SLC7A13: variants seen among roughly 807,000 people sequenced by gnomAD.
The protein encoded by SLC7A13 is X-amino acid transporter 2.
Under a neutral mutation model 32.0 loss-of-function variants are expected in SLC7A13, and 31 were observed. The observed-to-expected ratio is 0.97, with a 90% CI of 0.73 to 1.31. The LOEUF (loss-of-function observed/expected upper bound fraction) is 1.31. Ranked by LOEUF, SLC7A13 falls within the 50% of genes most tolerant of loss-of-function variation. The pLI is 0.00. For synonymous variants in SLC7A13, 232 were observed against 206.9 expected (o/e 1.12, Z -1.04); for missense variants, 633 against 546.9 (o/e 1.16, Z -1.57).
rs1459459337 is a variant in SLC7A13, at chr8:86,229,931, G to A, written c.347C>T (p.Ala116Val). The A allele has an allele frequency of 6.2e-7, 1 of 1,614,082 alleles. No individual in the cohort carries two copies. The highest frequency in any genetic ancestry group is 1.3e-5 in the African/African-American group (1 of 74,938). ...GVVAGQALLL[A>V]EYSIQPFFPS... ...AAAAAAAGGCTGGATGCTGTACTCA[G>A]CAAGGAGCAGAGCTTGGCCAGCAAC... The change falls in exon 1 of 4, where the codon GCT becomes GTT. Residue 116 changes from alanine to valine, a missense_variant. Transcript: ENST00000297524.
At chr8:86,224,100 T>C (rs897739887) in intron 1 of SLC7A13, among the ~76,000 whole-genome samples, 6 of 152,128 alleles carry the variant, frequency 3.9e-5, no homozygotes, top group Non-Finnish European at 5.9e-5. Flanking sequence ...AGTTAAATAA[T>C]TGCATAAATA....
intron 2 of SLC7A13, 146 bp downstream of exon 2, chr8:86,222,826 C>T (rs1464437040): frequency 1.4e-6 from 1 of 720,156 alleles, no homozygotes; most frequent in Non-Finnish European, 2.0e-6. Context: ...AAATCATTCC[C>T]TTTGGCCCTC....
At chr8:86,222,569 C>A (rs931895682) in intron 2 of SLC7A13, among the ~76,000 whole-genome samples, 1 of 152,022 alleles carries the variant, frequency 6.6e-6, no homozygotes, top group Admixed American at 6.6e-5. Flanking sequence ...CTTTTAACTG[C>A]CAATATTCTA....
At chr8:86,226,141 T>C (rs536998715) in intron 1 of SLC7A13, among the ~76,000 whole-genome samples, 2 of 152,328 alleles carry the variant, frequency 1.3e-5, no homozygotes, top group African/African-American at 4.8e-5. Context: ...GAATAAATTC[T>C]GTAAGTATAT....
In SLC7A13 at chr8:86,229,618, G is replaced by C. The variant is rs7814198; in HGVS notation, c.660C>G (p.Gly220=). ...CTGCTATAAGTGTAAAGCATGCCCC[G>C]CCTGAATATGCAAAATATCCTTGGA... ...AIFQGYFAYS[G]GACFTLIAGE... Residue 220 remains glycine, a synonymous_variant, in exon 1 of 4, where the codon GGC becomes GGG. Transcript: ENST00000297524. 1.9e-6 allele frequency: 3 copies of C among 1,613,476 alleles called. No homozygotes were observed. The highest frequency in any genetic ancestry group is 1.7e-6 in the Non-Finnish European group (2 of 1,179,870).
chr8:86,220,482 A>G (rs1466572780), intron 2 of SLC7A13, among the ~76,000 whole-genome samples: 1 of 152,144 alleles, frequency 6.6e-6, no homozygotes, highest in African/African-American at 2.4e-5. Context: ...AGACAAAAAC[A>G]TTACATGATT....
At chr8:86,219,618 A>G (rs1053788501) in intron 2 of SLC7A13, among the ~76,000 whole-genome samples, 1 of 152,142 alleles carries the variant, frequency 6.6e-6, no homozygotes, top group African/African-American at 2.4e-5. Context: ...ATAAACATCT[A>G]TTAGGGTTGT....
Position 86,214,574 on chromosome 8 carries a change from G to A in SLC7A13, c.1252C>T (p.Pro418Ser), listed in dbSNP as rs1820146204. 1.2e-6 allele frequency: 2 copies of A among 1,613,748 alleles called. No individual in the cohort carries two copies. Among genetic ancestry groups the A allele is most frequent in the East Asian group, 2.2e-5 (1 of 44,798 alleles). Residue 418 changes from proline (P) to serine (S), a missense_variant, in exon 4 of 4, where the codon CCA becomes TCA. Transcript: ENST00000297524. ...GLVVIPLVKSPNVHYVYVLLL... is the reference protein window; with the variant it reads ...GLVVIPLVKSSNVHYVYVLLL... ...AGCACGTAGACATAATGCACATTTG[G>A]AGACTTTACCAATGGTATCACAACC...
At chr8:86,228,323 C>T (rs1297500155) in intron 1 of SLC7A13, among the ~76,000 whole-genome samples, 1 of 151,962 alleles carries the variant, frequency 6.6e-6, no homozygotes, top group Non-Finnish European at 1.5e-5. Context: ...CTCTTTCGGG[C>T]TCCTATAATC....
chr8:86,224,145 T>C (rs888919344), intron 1 of SLC7A13, among the ~76,000 whole-genome samples: 3 of 152,322 alleles, frequency 2.0e-5, no homozygotes, highest in Admixed American at 2.0e-4. Context: ...GGTAAGTGTC[T>C]ATATGAAAAG....
At chr8:86,226,482 C>A (rs529643804) in intron 1 of SLC7A13, among the ~76,000 whole-genome samples, 36 of 152,296 alleles carry the variant, frequency 2.4e-4, no homozygotes, top group African/African-American at 8.7e-4. Context: ...AAGCATTTAA[C>A]CAGATAGATT....
rs753105776 is a variant in SLC7A13 at position 86,229,615 on chromosome 8, C to T, written c.663G>A (p.Gly221=). Residue 221 remains glycine, a synonymous_variant, in exon 1 of 4, where the codon GGG becomes GGA. Transcript: ENST00000297524. ...IFQGYFAYSG[G]ACFTLIAGEL... is the part of the protein sequence containing the mutation. ...TACCTGCTATAAGTGTAAAGCATGC[C>T]CCGCCTGAATATGCAAAATATCCTT... 29 of 1,613,608 alleles carry T rather than the reference C, an allele frequency of 1.8e-5. No individual in the cohort carries two copies. In the East Asian group the frequency reaches 6.2e-4, roughly 35 times the overall value.
chr8:86,228,747 G>A (rs1341187511), intron 1 of SLC7A13, among the ~76,000 whole-genome samples: 4 of 152,028 alleles, frequency 2.6e-5, no homozygotes, highest in Non-Finnish European at 5.9e-5. Context: ...TCTGGAGGCT[G>A]AGGCAGGAGA....
chr8:86,214,565 G>T lies in SLC7A13; in HGVS notation c.1261C>A (p.His421Asn). Residue 421 changes from histidine to asparagine, a missense_variant, in exon 4 of 4, where the codon CAT becomes AAT. Coordinates refer to ENST00000297524, the MANE Select transcript of SLC7A13 (RefSeq NM_138817.3). ...VIPLVKSPNV[H>N]YVYVLLLVLS... ...ACTAACAGAAGCACGTAGACATAAT[G>T]CACATTTGGAGACTTTACCAATGGT... is the stretch of plus-strand genomic sequence containing the variant. 6.2e-7 allele frequency: 1 copy of T among 1,613,716 alleles called. No individual in the cohort carries two copies. The highest frequency in any genetic ancestry group is 8.5e-7 in the Non-Finnish European group (1 of 1,179,800).
intron 1 of SLC7A13, among the ~76,000 whole-genome samples, chr8:86,226,055 C>T (rs1820385091): frequency 6.6e-6 from 1 of 152,180 alleles, no homozygotes; most frequent in African/African-American, 2.4e-5. Context: ...AACTCCAGCA[C>T]ACACTGAAAT....
rs28722700 is a variant in SLC7A13 at position 86,227,872 on chromosome 8, T to C, written c.685+1721A>G. Among the ~76,000 whole-genome samples the C allele has an allele frequency of 6.7e-3, 1,026 of 152,198 alleles. 5 individuals carry two copies. Among genetic ancestry groups the C allele is most frequent in the Non-Finnish European group, 9.6e-3 (651 of 68,014 alleles). On this transcript the variant is annotated intron_variant, in intron 1 of 3. Transcript: ENST00000297524. ...AATACTGCATATTCTCACTTATATA[T>C]GGGAGCTAAACAGTAAGTACACATG...
intron 1 of SLC7A13, among the ~76,000 whole-genome samples, chr8:86,226,991 A>G (rs2129806932): frequency 6.6e-6 from 1 of 152,328 alleles, no homozygotes; most frequent in African/African-American, 2.4e-5. Context: ...GCACAGAATT[A>G]TAGTCATTTT....
intron 3 of SLC7A13, chr8:86,215,728 G>C (rs1432947607): frequency 4.8e-6 from 2 of 420,502 alleles, no homozygotes; most frequent in South Asian, 3.4e-5. Flanking sequence ...TCTCTTCTTA[G>C]CTTATAAAGC....
Position 86,223,054 on chromosome 8 carries a change from C to T in SLC7A13, c.735G>A (p.Ala245=), listed in dbSNP as rs55902108. The T allele has an allele frequency of 0.012, 19,614 of 1,605,660 alleles. 304 individuals are homozygous for T. The highest frequency in any genetic ancestry group is 0.07 in the African/African-American group (5,195 of 74,318). ...RTTIPKCIFT[A]LPLVTVVYLL... is the part of the protein sequence containing the mutation. ...AATAAACTACAGTCACCAGAGGTAACGCAGTAAATATGCATTTGGGAATTG... is the reference window on the plus strand; with the variant it reads ...AATAAACTACAGTCACCAGAGGTAATGCAGTAAATATGCATTTGGGAATTG... The change falls in exon 2 of 4, where the codon GCG becomes GCA. Residue 245 remains alanine (A), a synonymous_variant. Coordinates refer to ENST00000297524, the MANE Select transcript of SLC7A13 (RefSeq NM_138817.3).
Sources: gnomAD v4.1 joint callset for allele counts (sites outside exome capture counted in the v4.1 genomes callset) on GRCh38, gnomAD v4.1.1 for gene constraint, MANE v1.5 for transcripts, NCBI Gene and HGNC (gene_info 2026-07-23, HGNC 2026-07-21) for gene names.